Variants in PTPRN2 observed in about 807,000 individuals in gnomAD.
The protein encoded by PTPRN2 is receptor-type tyrosine-protein phosphatase N2.
A neutral mutation model predicts 118.8 loss-of-function variants in PTPRN2; 74 were observed. The ratio of observed to expected loss-of-function variants is 0.62; its 90% CI spans 0.52 to 0.76. PTPRN2 has a LOEUF of 0.76. Among genes scored for constraint, PTPRN2 ranks in the 30% least tolerant of loss-of-function variants. The probability of loss-of-function intolerance (pLI) is 0.00; values close to 1 mark genes in which losing one functional copy is unlikely to be tolerated. For synonymous variants in PTPRN2, 641 were observed against 608.0 expected (o/e 1.05, Z -0.80); for missense variants, 1,481 against 1,394.4 (o/e 1.06, Z -0.99).
intron 12 of PTPRN2, among the ~76,000 whole-genome samples, chr7:157,796,427 T>G (rs907149851): frequency 2.6e-4 from 39 of 152,326 alleles, no homozygotes; most frequent in African/African-American, 9.4e-4. Context: ...CGGGGTAAAC[T>G]GGCAGCTCTG....
intron 14 of PTPRN2, among the ~76,000 whole-genome samples, chr7:157,626,109 C>G (rs560158912): frequency 1.9e-4 from 29 of 152,322 alleles, no homozygotes; most frequent in African/African-American, 6.5e-4. Flanking sequence ...CAGCCCCCAG[C>G]AGCCAGTGGC....
intron 14 of PTPRN2, among the ~76,000 whole-genome samples, chr7:157,651,375 C>T (rs1455740237): frequency 6.6e-6 from 1 of 152,222 alleles, no homozygotes; most frequent in African/African-American, 2.4e-5. Context: ...TCCTCATCTT[C>T]AACACTCAAG....
At chr7:158,112,723 G>C (rs1221364350) in intron 9 of PTPRN2, among the ~76,000 whole-genome samples, 1 of 151,694 alleles carries the variant, frequency 6.6e-6, no homozygotes, top group Non-Finnish European at 1.5e-5. Flanking sequence ...GAGGTCAAAG[G>C]CCCCAGCGGG....
chr7:157,542,689 C>T (rs1055394002), intron 22 of PTPRN2, among the ~76,000 whole-genome samples: 1 of 152,206 alleles, frequency 6.6e-6, no homozygotes, highest in African/African-American at 2.4e-5. Context: ...AGGAAGGGAA[C>T]CGGGCCACAG....
At chr7:157,931,236 T>C (rs1045689194) in intron 11 of PTPRN2, among the ~76,000 whole-genome samples, 2 of 152,128 alleles carry the variant, frequency 1.3e-5, no homozygotes, top group Non-Finnish European at 2.9e-5. Context: ...AGTTAACTAA[T>C]ACATTTTCAT....
At chr7:158,200,794 CATTT>C (rs1826586073) in intron 4 of PTPRN2, among the ~76,000 whole-genome samples, 1 of 152,046 alleles carries the variant, frequency 6.6e-6, no homozygotes, top group African/African-American at 2.4e-5. Flanking sequence ...GCCTACCAAA[CATTT>C]ATTGTTTCAA....
Position 158,526,958 on chromosome 7 carries a change from T to G in PTPRN2, c.113-37173A>C, listed in dbSNP as rs902054129. ...TTCCGCCACTTTCTTTCTAACACAATGAAGATAGAGTTGGTGACCTCCTCA... is the reference window on the plus strand; with the variant it reads ...TTCCGCCACTTTCTTTCTAACACAAGGAAGATAGAGTTGGTGACCTCCTCA... On this transcript the variant is annotated intron_variant, in intron 1 of 22. Transcript: ENST00000389418. The surrounding 1 kb of genome is among the most constrained non-coding windows in gnomAD (Gnocchi z 5.2). Among the ~76,000 whole-genome samples the G allele has an allele frequency of 1.3e-5, 2 of 152,160 alleles. No homozygotes were observed. The highest frequency in any genetic ancestry group is 4.8e-5 in the African/African-American group (2 of 41,442).
At chr7:157,684,487 C>G (rs993618606) in intron 12 of PTPRN2, among the ~76,000 whole-genome samples, 1 of 151,626 alleles carries the variant, frequency 6.6e-6, no homozygotes, top group Admixed American at 6.6e-5. Context: ...GGGAGCGGCC[C>G]GAACCCCGTT....
intron 6 of PTPRN2, among the ~76,000 whole-genome samples, chr7:158,145,987 G>A (rs1010529824): frequency 1.3e-5 from 2 of 152,194 alleles, no homozygotes; most frequent in African/African-American, 4.8e-5. Flanking sequence ...CCAGCATACT[G>A]TAAGTGCTTA....
rs913558400 is a variant in PTPRN2 at position 158,587,801 on chromosome 7, C to T, written c.-132G>A. On this transcript the variant is annotated 5_prime_UTR_variant, in exon 1 of 23. Coordinates refer to ENST00000389418, the MANE Select transcript of PTPRN2 (RefSeq NM_002847.5). The stretch of plus-strand genomic sequence containing the variant: ...GCCTCTCGCGCTCTTGCGGCGACGC[C>T]GGGCCGAGCTTCAGCACCGGACAGC... 2.0e-5 allele frequency: 18 copies of T among 899,368 alleles called. No individual in the cohort carries two copies. In the African/African-American group the frequency reaches 3.1e-4, roughly 16 times the overall value. 55.7% of individuals were successfully genotyped at this position (899,368 alleles called of 1,614,324 possible). A position where few individuals can be genotyped will look rare whatever the true frequency, so the allele number is the denominator to read the frequency against.
At chr7:158,111,508 T>C (rs1816273254) in intron 9 of PTPRN2, among the ~76,000 whole-genome samples, 1 of 152,222 alleles carries the variant, frequency 6.6e-6, no homozygotes, top group Non-Finnish European at 1.5e-5. Context: ...TGATGACTCA[T>C]CCTGAAGGCC....
chr7:158,074,755 G>A (rs1314440532), intron 11 of PTPRN2, among the ~76,000 whole-genome samples: 1 of 152,186 alleles, frequency 6.6e-6, no homozygotes, highest in African/African-American at 2.4e-5. Flanking sequence ...GGGGCCAGGT[G>A]CTCCCCAGCA....
Position 157,619,890 on chromosome 7 carries a change from G to A in PTPRN2, c.2344+1472C>T, listed in dbSNP as rs1803046099. The stretch of plus-strand genomic sequence containing the variant: ...GGGACACCAGTCTGATCCCTTGACC[G>A]GCTCCGAAGGGTTGAGGCAGGGACA... On this transcript the variant is annotated intron_variant, in intron 15 of 22. Coordinates refer to ENST00000389418, the MANE Select transcript of PTPRN2 (RefSeq NM_002847.5). This position sits in a 1 kb window ranked among gnomAD's most constrained non-coding sequence, Gnocchi z 5.3. Among the ~76,000 whole-genome samples the A allele has an allele frequency of 6.6e-6, 1 of 152,198 alleles. No homozygotes were observed. Among genetic ancestry groups the A allele is most frequent in the Admixed American group, 6.5e-5 (1 of 15,280 alleles).
Position 157,907,634 on chromosome 7 carries a change from G to GT in PTPRN2, c.1724-8898dup, listed in dbSNP as rs767658884. On this transcript the variant is annotated intron_variant, in intron 11 of 22. Coordinates refer to ENST00000389418, the MANE Select transcript of PTPRN2 (RefSeq NM_002847.5). ...CATGTGGGGTGTCCTGGGGGTGGCAGTATCTCCCTGTCCCCTGCGTGTGGG... is the reference window on the plus strand; with the variant it reads ...CATGTGGGGTGTCCTGGGGGTGGCAGTTATCTCCCTGTCCCCTGCGTGTGGG... 7.4e-4 allele frequency among the ~76,000 whole-genome samples: 105 copies of GT among 141,722 alleles called. 4 individuals are homozygous for GT. Among genetic ancestry groups the GT allele is most frequent in the Non-Finnish European group, 1.5e-4 (10 of 66,252 alleles). 93.0% of individuals were successfully genotyped at this position (141,722 alleles called of 152,430 possible).
chr7:157,689,237 C>A (rs552465520), intron 12 of PTPRN2, among the ~76,000 whole-genome samples: 1 of 152,240 alleles, frequency 6.6e-6, no homozygotes, highest in African/African-American at 2.4e-5. Context: ...TGTTCGATCG[C>A]GTCCTAAAAT....
chr7:158,329,139 C>G (rs536198757), intron 2 of PTPRN2, among the ~76,000 whole-genome samples: 46 of 152,234 alleles, frequency 3.0e-4, no homozygotes, highest in Non-Finnish European at 6.5e-4. Context: ...ACAGAAGCCA[C>G]AGCTTGAGGG....
intron 11 of PTPRN2, among the ~76,000 whole-genome samples, chr7:157,983,572 C>G (rs944266550): frequency 5.3e-5 from 8 of 151,646 alleles, no homozygotes; most frequent in African/African-American, 2.0e-4. Flanking sequence ...GCTGTGGCCT[C>G]CCCCGCCCCC....
intron 1 of PTPRN2, among the ~76,000 whole-genome samples, chr7:158,566,957 AC>A (rs1303066778): frequency 3.3e-5 from 5 of 152,124 alleles, no homozygotes; most frequent in African/African-American, 1.2e-4. Context: ...CAAGTGATCC[AC>A]CCACCTCAGC....
intron 11 of PTPRN2, among the ~76,000 whole-genome samples, chr7:157,904,262 T>A (rs1488070194): frequency 6.6e-6 from 1 of 152,186 alleles, no homozygotes; most frequent in Non-Finnish European, 1.5e-5. Context: ...TTCTCCTGAT[T>A]TCTTGTTTCC....
Sources: allele counts gnomAD v4.1 joint callset (sites outside exome capture counted in the v4.1 genomes callset), GRCh38; gene constraint gnomAD v4.1.1; non-coding constraint Gnocchi (gnomAD v3.1); transcripts MANE v1.5; gene names NCBI Gene and HGNC (gene_info 2026-07-23, HGNC 2026-07-21).